NCAM2: variants seen among roughly 807,000 people sequenced by gnomAD.
NCAM2 encodes neural cell adhesion molecule 2.
NCAM2 carries 30 observed loss-of-function variants against 98.1 expected under a neutral mutation model. The observed-to-expected ratio is 0.31, with a 90% CI of 0.23 to 0.41. NCAM2 has a LOEUF of 0.41. Ranked by LOEUF, NCAM2 falls within the 10% of genes least tolerant of loss-of-function variation. The probability of loss-of-function intolerance (pLI) is 1.00; values close to 1 mark genes in which losing one functional copy is unlikely to be tolerated. For synonymous variants in NCAM2, 368 were observed against 342.4 expected (o/e 1.07, Z -0.83); for missense variants, 867 against 1,005.8 (o/e 0.86, Z 1.87).
intron 1 of NCAM2, among the ~76,000 whole-genome samples, chr21:21,111,064 C>A (rs1258622205): frequency 1.3e-5 from 2 of 152,054 alleles, no homozygotes; most frequent in South Asian, 2.1e-4. Flanking sequence ...AAAATTAATT[C>A]TTCTTAGAGT....
At chr21:21,331,561 C>CTATATATATA (rs1555874321) in intron 6 of NCAM2, among the ~76,000 whole-genome samples, 1 of 7,026 alleles carries the variant, frequency 1.4e-4, no homozygotes, top group African/African-American at 3.3e-4. Flanking sequence ...TATATATACT[C>CTATATATATA]TATATACATA....
At chr21:21,326,863 C>T (rs2074525413) in intron 6 of NCAM2, among the ~76,000 whole-genome samples, 1 of 264 alleles carries the variant, frequency 3.8e-3, no homozygotes, top group Non-Finnish European at 8.1e-3. Context: ...GAAATTCTGA[C>T]CTTGTATCTG....
intron 14 of NCAM2, among the ~76,000 whole-genome samples, chr21:21,475,041 CAT>C (rs5842930): frequency 0.48 from 71,195 of 148,482 alleles, 17,812 homozygotes; most frequent in African/African-American, 0.56. Context: ...ATATAATGCA[CAT>C]ATATATATAT....
At chr21:21,369,321 CA>C (rs1391741044) in intron 8 of NCAM2, among the ~76,000 whole-genome samples, 1 of 151,616 alleles carries the variant, frequency 6.6e-6, no homozygotes, top group Non-Finnish European at 1.5e-5. Flanking sequence ...TTTCTTTGGC[CA>C]AATAATATTC....
intron 12 of NCAM2, among the ~76,000 whole-genome samples, chr21:21,457,337 T>G (rs982409158): frequency 6.6e-6 from 1 of 152,050 alleles, no homozygotes; most frequent in Admixed American, 6.6e-5. Flanking sequence ...GGAAAGGGCA[T>G]CATTGTTAAA....
chr21:21,094,154 C>T (rs546271456), intron 1 of NCAM2, among the ~76,000 whole-genome samples: 3 of 151,516 alleles, frequency 2.0e-5, no homozygotes, highest in Admixed American at 1.3e-4. Flanking sequence ...AGTTGAATAC[C>T]AGGCTGTACA....
intron 12 of NCAM2, among the ~76,000 whole-genome samples, chr21:21,454,454 C>T (rs969222395): frequency 6.6e-6 from 1 of 151,950 alleles, no homozygotes; most frequent in African/African-American, 2.4e-5. Flanking sequence ...GTGTTAACAT[C>T]CCTAACTTAT....
intron 1 of NCAM2, among the ~76,000 whole-genome samples, chr21:21,246,677 CATTG>C (rs1159442517): frequency 6.6e-6 from 1 of 152,032 alleles, no homozygotes; most frequent in Non-Finnish European, 1.5e-5. Flanking sequence ...TTAATAATCA[CATTG>C]ATTGAAAATA....
chr21:21,410,558 T>A, intron 10 of NCAM2, 97 bp downstream of exon 10: 1 of 600,488 alleles, frequency 1.7e-6, no homozygotes, highest in Non-Finnish European at 2.5e-6. Flanking sequence ...TATATATATA[T>A]AATAAGAGAG....
At chr21:21,035,374 A>C (rs561843029) in intron 1 of NCAM2, among the ~76,000 whole-genome samples, 1 of 152,312 alleles carries the variant, frequency 6.6e-6, no homozygotes, top group African/African-American at 2.4e-5. Context: ...ATCCTAGATA[A>C]ATCAGGTAGA....
At chr21:21,212,888 A>G (rs570650524) in intron 1 of NCAM2, among the ~76,000 whole-genome samples, 88 of 151,902 alleles carry the variant, frequency 5.8e-4, no homozygotes, top group African/African-American at 1.7e-3. Context: ...GACTACAGGT[A>G]CCCGACACCA....
chr21:21,189,772 T>G (rs1210318154), intron 1 of NCAM2, among the ~76,000 whole-genome samples: 1 of 152,158 alleles, frequency 6.6e-6, no homozygotes, highest in African/African-American at 2.4e-5. Flanking sequence ...GAAATTAATT[T>G]CTTTGGGGAA....
At chr21:21,396,169 A>G (rs2076502083) in intron 9 of NCAM2, among the ~76,000 whole-genome samples, 1 of 152,146 alleles carries the variant, frequency 6.6e-6, no homozygotes, top group Admixed American at 6.5e-5. Context: ...AAGAAAAAAA[A>G]AAAAATACCA....
intron 1 of NCAM2, among the ~76,000 whole-genome samples, chr21:21,244,048 G>A (rs1196386557): frequency 6.6e-6 from 1 of 152,122 alleles, no homozygotes; most frequent in African/African-American, 2.4e-5. Flanking sequence ...GTAATCTAAT[G>A]TATAACCAGA....
chr21:21,509,109 TCG>T (rs1390623118), intron 16 of NCAM2, 54 bp downstream of exon 16: 2 of 1,583,920 alleles, frequency 1.3e-6, no homozygotes, highest in Non-Finnish European at 8.7e-7. Flanking sequence ...ACAGTCAAGC[TCG>T]AGTGCTTTAC....
chr21:21,045,627 G>T (rs1219616438), intron 1 of NCAM2, among the ~76,000 whole-genome samples: 6 of 152,076 alleles, frequency 3.9e-5, no homozygotes, highest in Non-Finnish European at 5.9e-5. Flanking sequence ...TCCAGCCTGG[G>T]TGACAAAGCA....
At position 21,012,887 on chromosome 21, in the gene NCAM2, T is replaced by TA. The variant is rs1327689338; in HGVS notation, c.55+14270dup. 4.6e-5 allele frequency among the ~76,000 whole-genome samples: 7 copies of TA among 152,300 alleles called. No homozygotes were observed. In the South Asian group the frequency reaches 1.4e-3, roughly 32 times the overall value. On this transcript the variant is annotated intron_variant, in intron 1 of 17. Transcript: ENST00000400546. ...ATCTGTTATCATTGATCGTTGATGT[T>TA]ACAATTGTAATTATCTTAGGGTACC...
intron 11 of NCAM2, among the ~76,000 whole-genome samples, chr21:21,428,242 G>A (rs1049035079): frequency 6.6e-6 from 1 of 152,158 alleles, no homozygotes; most frequent in Non-Finnish European, 1.5e-5. Flanking sequence ...CTAGAAAATA[G>A]TTTAGAAAAA....
At chr21:21,117,252 C>T (rs1372137554) in intron 1 of NCAM2, among the ~76,000 whole-genome samples, 1 of 152,152 alleles carries the variant, frequency 6.6e-6, no homozygotes, top group Non-Finnish European at 1.5e-5. Context: ...CACTTTTCTA[C>T]TCTCTGTTTC....
Sources: gnomAD v4.1 joint callset for allele counts (sites outside exome capture counted in the v4.1 genomes callset) on GRCh38, gnomAD v4.1.1 for gene constraint, MANE v1.5 for transcripts, NCBI Gene and HGNC (gene_info 2026-07-23, HGNC 2026-07-21) for gene names.